The following ZDHHC3 variants were observed in gnomAD, a reference collection of about 807,000 sequenced individuals.
The protein encoded by ZDHHC3 is palmitoyltransferase ZDHHC3.
Under a neutral mutation model 30.6 loss-of-function variants are expected in ZDHHC3, and 9 were observed. The observed-to-expected ratio is 0.29, with a 90% CI of 0.18 to 0.51. The LOEUF is 0.51. Among genes scored for constraint, ZDHHC3 ranks in the 20% least tolerant of loss-of-function variants. ZDHHC3 has a pLI of 0.97. For synonymous variants in ZDHHC3, 136 were observed against 140.2 expected (o/e 0.97, Z 0.21); for missense variants, 246 against 384.2 (o/e 0.64, Z 3.01).
In ZDHHC3 at chr3:44,920,188, G is replaced by C. The variant is rs1223473802; in HGVS notation, c.*6501C>G. ...GGATCTTGTTGACACAAGTCTAAAG[G>C]GACCTTCATGTGGGTCATGAGCATG... On this transcript the variant is annotated 3_prime_UTR_variant, in exon 7 of 7. Coordinates refer to ENST00000424952, the MANE Select transcript of ZDHHC3 (RefSeq NM_001135179.2). 2.3e-6 allele frequency: 3 copies of C among 1,288,336 alleles called. No individual in the cohort carries two copies. Among genetic ancestry groups the C allele is most frequent in the Non-Finnish European group, 3.0e-6 (3 of 987,742 alleles). The allele number at this position is 1,288,336 out of a possible 1,614,324, so 79.8% of individuals were successfully genotyped here.
intron 3 of ZDHHC3, among the ~76,000 whole-genome samples, chr3:44,935,503 C>T (rs1218700325): frequency 1.3e-5 from 2 of 152,218 alleles, no homozygotes; most frequent in Non-Finnish European, 2.9e-5. Flanking sequence ...CTCGAGCAAT[C>T]CACCTGCTTT....
intron 1 of ZDHHC3, among the ~76,000 whole-genome samples, chr3:44,962,675 G>T (rs1295762352): frequency 6.6e-6 from 1 of 152,180 alleles, no homozygotes; most frequent in Non-Finnish European, 1.5e-5. Flanking sequence ...TGTCCTCAGG[G>T]CTACTGAAAT....
Position 44,926,521 on chromosome 3 carries a change from T to C in ZDHHC3, c.*168A>G. 7.8e-7 allele frequency: 1 copy of C among 1,274,472 alleles called. No individual in the cohort carries two copies. The highest frequency in any genetic ancestry group is 9.9e-7 in the Non-Finnish European group (1 of 1,009,628). 78.9% of individuals were successfully genotyped at this position (1,274,472 alleles called of 1,614,324 possible). On this transcript the variant is annotated 3_prime_UTR_variant, in exon 7 of 7. Transcript: ENST00000424952. ...AGGATGGTTTTTAAAAAATAAAATGTGGGGACTTTTTTTTTTCTCTGCAAT... is the reference window on the plus strand; with the variant it reads ...AGGATGGTTTTTAAAAAATAAAATGCGGGGACTTTTTTTTTTCTCTGCAAT...
rs556425462 is a variant in ZDHHC3 at position 44,919,224 on chromosome 3, G to A, written c.*7465C>T. The A allele has an allele frequency of 3.4e-5, 16 of 471,944 alleles. No individual in the cohort carries two copies. In the East Asian group the frequency reaches 1.6e-3, roughly 46 times the overall value. The allele number at this position is 471,944 out of a possible 1,614,324, so 29.2% of individuals were successfully genotyped here. On this transcript the variant is annotated 3_prime_UTR_variant, in exon 7 of 7. Transcript: ENST00000424952. ...ATTGCACGTACCACCTTCACCCAAT[G>A]ATCAAAGTTAACATCACAATAATGA...
intron 3 of ZDHHC3, among the ~76,000 whole-genome samples, chr3:44,939,058 C>T (rs1257553840): frequency 6.6e-6 from 1 of 152,174 alleles, no homozygotes; most frequent in Non-Finnish European, 1.5e-5. Context: ...CTGGTCTGCA[C>T]CCTTGCTCTT....
rs531624111 is a variant in ZDHHC3, at chr3:44,920,549, C to T, written c.*6140G>A. The T allele has an allele frequency of 1.0e-6, 1 of 985,268 alleles. No homozygotes were observed. The allele number at this position is 985,268 out of a possible 1,614,324, so 61.0% of individuals were successfully genotyped here. Reference sequence around the variant, plus strand: ...GCAGATGGGGAAGAAACAGAAGTTCCAAGAGGCCATGACGGTGGCCAAGGC... The same window carrying T: ...GCAGATGGGGAAGAAACAGAAGTTCTAAGAGGCCATGACGGTGGCCAAGGC... On this transcript the variant is annotated 3_prime_UTR_variant, in exon 7 of 7. Transcript: ENST00000424952.
At chr3:44,973,336 T>A (rs1011674383) in intron 1 of ZDHHC3, among the ~76,000 whole-genome samples, 13 of 152,238 alleles carry the variant, frequency 8.5e-5, no homozygotes, top group Non-Finnish European at 1.5e-4. Context: ...CATTTACCAA[T>A]GATGTAACCT....
At chr3:44,929,494 C>T in intron 5 of ZDHHC3, 58 bp from the exon 6 acceptor site, 1 of 1,598,544 alleles carries the variant, frequency 6.3e-7, no homozygotes, top group Non-Finnish European at 8.5e-7. Context: ...GCTGCCCAGG[C>T]TCACTGCCCC....
chr3:44,941,550 C>T (rs969782286), intron 3 of ZDHHC3, among the ~76,000 whole-genome samples: 2 of 152,152 alleles, frequency 1.3e-5, no homozygotes, highest in African/African-American at 4.8e-5. Flanking sequence ...CTCTCAGGGG[C>T]TCTAAGCAGC....
Position 44,922,737 on chromosome 3 carries a change from G to C in ZDHHC3, c.*3952C>G. The stretch of plus-strand genomic sequence containing the variant: ...AGACACGGGCTGCTGGGCCCCGCTC[G>C]GTTTCTGGTTCGGTAGCCTGGGGTG... On this transcript the variant is annotated 3_prime_UTR_variant, in exon 7 of 7. Transcript: ENST00000424952. 1.0e-6 allele frequency: 1 copy of C among 984,576 alleles called. No homozygotes were observed. Among genetic ancestry groups the C allele is most frequent in the South Asian group, 4.7e-5 (1 of 21,268 alleles). 61.0% of individuals were successfully genotyped at this position (984,576 alleles called of 1,614,324 possible).
intron 2 of ZDHHC3, among the ~76,000 whole-genome samples, chr3:44,945,714 C>T (rs558292308): frequency 1.3e-5 from 2 of 152,040 alleles, no homozygotes; most frequent in African/African-American, 2.4e-5. Context: ...CTCGCCACCA[C>T]GCCCAGCTAA....
At chr3:44,933,840 G>T in intron 4 of ZDHHC3, 48 bp downstream of exon 4, 1 of 1,516,212 alleles carries the variant, frequency 6.6e-7, no homozygotes. Context: ...GGAACAAAGT[G>T]CTCCATTGCT....
chr3:44,926,847 C>T lies in ZDHHC3; in HGVS notation c.742G>A (p.Gly248Arg), dbSNP rs1468714463. 1 of 1,600,966 alleles carries T rather than the reference C, an allele frequency of 6.2e-7. No homozygotes were observed. The highest frequency in any genetic ancestry group is 8.5e-7 in the Non-Finnish European group (1 of 1,174,282). Residue 248 changes from glycine to arginine, a missense_variant and splice_region_variant, in exon 7 of 7, where the codon GGA becomes AGA. Transcript: ENST00000424952. ...TCTTCCTTTTTCAATTGTTCTATTCCCTGAAAACAAGAACAATCATACTTT... is the reference window on the plus strand; with the variant it reads ...TCTTCCTTTTTCAATTGTTCTATTCTCTGAAAACAAGAACAATCATACTTT... ...QVHSICTDET[G>R]IEQLKKEERR...
At chr3:44,958,669 C>T (rs931925887) in intron 2 of ZDHHC3, 65 of 1,536,044 alleles carry the variant, frequency 4.2e-5, no homozygotes, top group African/African-American at 5.5e-5. Context: ...AAGTGAAGGC[C>T]ATTTCCGTGC....
intron 1 of ZDHHC3, among the ~76,000 whole-genome samples, chr3:44,962,722 A>T (rs926289499): frequency 6.6e-6 from 1 of 152,170 alleles, no homozygotes; most frequent in Non-Finnish European, 1.5e-5. Context: ...TGGCTTGCTC[A>T]GACTGTTATA....
chr3:44,929,424 A>T lies in ZDHHC3; in HGVS notation c.623T>A (p.Phe208Tyr). The T allele has an allele frequency of 6.2e-7, 1 of 1,614,004 alleles. No homozygotes were observed. Among genetic ancestry groups the T allele is most frequent in the Non-Finnish European group, 8.5e-7 (1 of 1,179,928 alleles). The change falls in exon 6 of 7, where the codon TTC becomes TAC. Residue 208 changes from phenylalanine to tyrosine, a missense_variant. Physicochemically the swap from Phe to Tyr is conservative, Grantham distance 22. Transcript: ENST00000424952. Reference sequence around the variant, plus strand: ...GAGAATCACTGTGGTGGGTGGAGAGAAGGAGCTGCACTCTGAAAGAGAAGC... The same window carrying T: ...GAGAATCACTGTGGTGGGTGGAGAGTAGGAGCTGCACTCTGAAAGAGAAGC... The part of the protein sequence containing the change: ...FEEDWTKCSS[F>Y]SPPTTVILLI...
In ZDHHC3 at chr3:44,933,872, T is replaced by C; in HGVS notation, c.528+16A>G. ...TGCTTCATGGGGGGCAGGGCAGAAT[T>C]TGCAAGCTGACTTACTGTAAACAGG... On this transcript the variant is annotated intron_variant, in intron 4 of 6. Coordinates refer to ENST00000424952, the MANE Select transcript of ZDHHC3 (RefSeq NM_001135179.2). 3 of 1,613,406 alleles carry C rather than the reference T, an allele frequency of 1.9e-6. No individual in the cohort carries two copies. Among genetic ancestry groups the C allele is most frequent in the South Asian group, 2.2e-5 (2 of 91,076 alleles).
chr3:44,958,731 ACT>A, intron 2 of ZDHHC3: 1 of 1,478,160 alleles, frequency 6.8e-7, no homozygotes, highest in Non-Finnish European at 9.1e-7. Context: ...TAGCTCCAGC[ACT>A]GTCTTCACTG....
rs1435564910 is a variant in ZDHHC3, at chr3:44,925,533, T to C, written c.*1156A>G. On this transcript the variant is annotated 3_prime_UTR_variant, in exon 7 of 7. Coordinates refer to ENST00000424952, the MANE Select transcript of ZDHHC3 (RefSeq NM_001135179.2). ...AGTGCCTCTCAAATGGAAAATCTAT[T>C]CTGTCCCAGTGCCACAGGCTTAGGT... 2.0e-6 allele frequency: 2 copies of C among 985,340 alleles called. No homozygotes were observed. Among genetic ancestry groups the C allele is most frequent in the African/African-American group, 3.5e-5 (2 of 57,240 alleles). The allele number at this position is 985,340 out of a possible 1,614,324, so 61.0% of individuals were successfully genotyped here. A position where few individuals can be genotyped will look rare whatever the true frequency, so the allele number is the denominator to read the frequency against.
Sources: gnomAD v4.1 joint callset for allele counts (sites outside exome capture counted in the v4.1 genomes callset) on GRCh38, gnomAD v4.1.1 for gene constraint, MANE v1.5 for transcripts, NCBI Gene and HGNC (gene_info 2026-07-23, HGNC 2026-07-21) for gene names.